ALDH5A1: variants seen among roughly 807,000 people sequenced by gnomAD.
The protein encoded by ALDH5A1 is aldehyde dehydrogenase 5 family member A1, also known as succinate-semialdehyde dehydrogenase, mitochondrial.
In ALDH5A1, 33 loss-of-function variants were observed where a neutral mutation model predicts 54.7. That is an observed-to-expected ratio of 0.60 (90% CI 0.46 to 0.81). The LOEUF is 0.81. Among genes scored for constraint, ALDH5A1 ranks in the 30% least tolerant of loss-of-function variants. ALDH5A1 has a pLI of 0.00. For synonymous variants in ALDH5A1, 294 were observed against 292.7 expected (o/e 1.00, Z -0.05); for missense variants, 657 against 711.0 (o/e 0.92, Z 0.86).
intron 8 of ALDH5A1, 108 bp downstream of exon 8, chr6:24,528,274 G>A (rs1327890391): frequency 3.4e-5 from 43 of 1,267,026 alleles, no homozygotes; most frequent in Non-Finnish European, 4.5e-5. Flanking sequence ...GAGGCAGACA[G>A]TTGTGTTGAG....
At chr6:24,520,604 T>C in intron 6 of ALDH5A1, 60 bp downstream of exon 6, 1 of 1,399,218 alleles carries the variant, frequency 7.1e-7, no homozygotes, top group Non-Finnish European at 9.7e-7. Flanking sequence ...AGTGTGTGTA[T>C]GTGTGTGTGT....
rs575031509 is a variant in ALDH5A1 at position 24,506,402 on chromosome 6, G to A, written c.726+1417G>A. Among the ~76,000 whole-genome samples, 3 of 151,516 alleles carry A rather than the reference G, an allele frequency of 2.0e-5. No homozygotes were observed. The South Asian group carries it at 6.3e-4, about 32-fold the overall frequency. ...CGAGTAGCTGGGATTACAGATGCCC[G>A]TCACCACACCCAGCTAATTTTTGTA... is the stretch of plus-strand genomic sequence containing the variant. On this transcript the variant is annotated intron_variant, in intron 4 of 9. Transcript: ENST00000357578.
At chr6:24,528,211 A>G in intron 8 of ALDH5A1, 45 bp downstream of exon 8, 2 of 1,609,866 alleles carry the variant, frequency 1.2e-6, no homozygotes, top group Non-Finnish European at 1.7e-6. Context: ...AGAATAGAAG[A>G]GAACATAGGA....
intron 5 of ALDH5A1, among the ~76,000 whole-genome samples, chr6:24,519,755 GTT>G (rs35222716): frequency 6.9e-6 from 1 of 145,838 alleles, no homozygotes. Context: ...ATACCATCCT[GTT>G]TTTTTTTTTT....
rs2744584 is a variant in ALDH5A1 at position 24,505,126 on chromosome 6, G to A, written c.726+141G>A. 219,967 of 874,754 alleles carry A rather than the reference G, an allele frequency of 0.25. 30,152 individuals are homozygous for A. Among genetic ancestry groups the A allele is most frequent in the Non-Finnish European group, 0.28 (148,905 of 533,162 alleles). 54.2% of individuals were successfully genotyped at this position (874,754 alleles called of 1,614,324 possible). A position where few individuals can be genotyped will look rare whatever the true frequency, so the allele number is the denominator to read the frequency against. Reference sequence around the variant, plus strand: ...TGGTGTTGTGTATTAATCTACTGGTGATTACTTTAAGTCAGCTGTAGCTCT... The same window carrying A: ...TGGTGTTGTGTATTAATCTACTGGTAATTACTTTAAGTCAGCTGTAGCTCT... On this transcript the variant is annotated intron_variant, in intron 4 of 9. Coordinates refer to ENST00000357578, the MANE Select transcript of ALDH5A1 (RefSeq NM_001080.3).
In ALDH5A1 at chr6:24,503,350, G is replaced by A. The variant is rs72552281; in HGVS notation, c.526G>A (p.Gly176Arg). 22 of 1,613,968 alleles carry A rather than the reference G, an allele frequency of 1.4e-5. No homozygotes were observed. The highest frequency in any genetic ancestry group is 2.2e-5 in the East Asian group (1 of 44,890). The change falls in exon 3 of 10, where the codon GGA becomes AGA. Residue 176 changes from glycine to arginine, a missense_variant. Coordinates refer to ENST00000357578, the MANE Select transcript of ALDH5A1 (RefSeq NM_001080.3). ...WFSEEARRVY[G>R]DIIHTPAKDR... The stretch of plus-strand genomic sequence containing the variant: ...CTCTGAGGAAGCCCGCCGTGTTTAC[G>A]GAGACATTATCCACACCCCGGCAAA...
At position 24,535,034 on chromosome 6, in the gene ALDH5A1, C is replaced by T. The variant is rs886061276; in HGVS notation, c.*1322C>T. The T allele has an allele frequency of 2.6e-5, 4 of 152,232 alleles. No individual in the cohort carries two copies. The highest frequency in any genetic ancestry group is 9.6e-5 in the African/African-American group (4 of 41,458). The allele number at this position is 152,232 out of a possible 1,614,324, so 9.4% of individuals were successfully genotyped here. A position where few individuals can be genotyped will look rare whatever the true frequency, so the allele number is the denominator to read the frequency against. The stretch of plus-strand genomic sequence containing the variant: ...TGCCTCTCACTTTGAAAGAAAGACT[C>T]CGTAATCTTAAACAGATGCAAATCC... On this transcript the variant is annotated 3_prime_UTR_variant, in exon 10 of 10. Transcript: ENST00000357578.
At chr6:24,531,016 T>C (rs898654646) in intron 8 of ALDH5A1, among the ~76,000 whole-genome samples, 2 of 152,252 alleles carry the variant, frequency 1.3e-5, no homozygotes, top group African/African-American at 4.8e-5. Context: ...ATGTCTTGCA[T>C]TTTTGGTGCT....
rs757383194 is a variant in ALDH5A1, at chr6:24,502,601, G to C, written c.433G>C (p.Glu145Gln). The C allele has an allele frequency of 1.2e-6, 2 of 1,612,042 alleles. No homozygotes were observed. Among genetic ancestry groups the C allele is most frequent in the Non-Finnish European group, 1.7e-6 (2 of 1,178,182 alleles). ...KDDLARIITA[E>Q]SGKPLKEAHG... Reference sequence around the variant, plus strand: ...TGACCTTGCCAGAATAATCACAGCTGAAAGTGTAAGTTCAGGGTTCTGGCT... The same window carrying C: ...TGACCTTGCCAGAATAATCACAGCTCAAAGTGTAAGTTCAGGGTTCTGGCT... The change falls in exon 2 of 10, where the codon GAA becomes CAA. Residue 145 changes from glutamate to glutamine, a missense_variant. Coordinates refer to ENST00000357578, the MANE Select transcript of ALDH5A1 (RefSeq NM_001080.3).
chr6:24,497,714 A>G (rs1001363181), intron 1 of ALDH5A1, among the ~76,000 whole-genome samples: 2 of 152,148 alleles, frequency 1.3e-5, no homozygotes, highest in African/African-American at 4.8e-5. Context: ...AGCAAAGGGG[A>G]AGAGTTGTAT....
intron 4 of ALDH5A1, among the ~76,000 whole-genome samples, chr6:24,512,677 G>GTTTGT (rs145227937): frequency 0.021 from 3,215 of 151,954 alleles, 104 homozygotes; most frequent in African/African-American, 0.071. Flanking sequence ...TTTTAATGTT[G>GTTTGT]TTTGTTTTGT....
At chr6:24,516,591 A>C (rs76941265) in intron 5 of ALDH5A1, among the ~76,000 whole-genome samples, 222 of 152,240 alleles carry the variant, frequency 1.5e-3, no homozygotes, top group African/African-American at 5.3e-3. Flanking sequence ...CTAGATATAC[A>C]CATATATGTA....
intron 2 of ALDH5A1, 89 bp downstream of exon 2, chr6:24,502,695 GCT>G: frequency 1.1e-6 from 1 of 879,626 alleles, no homozygotes; most frequent in South Asian, 1.4e-5. Context: ...TCCCTTCACT[GCT>G]GGCTGTAGCT....
chr6:24,502,606 T>A lies in ALDH5A1; in HGVS notation c.438T>A (p.Ser146Arg). The change falls in exon 2 of 10, where the codon AGT (serine) becomes AGA (arginine). Residue 146 changes from serine to arginine, a missense_variant and splice_region_variant. By Grantham distance (110) the Ser-to-Arg change is moderately radical. Coordinates refer to ENST00000357578, the MANE Select transcript of ALDH5A1 (RefSeq NM_001080.3). ...DDLARIITAE[S>R]GKPLKEAHGE... Reference sequence around the variant, plus strand: ...TTGCCAGAATAATCACAGCTGAAAGTGTAAGTTCAGGGTTCTGGCTTGGTG... The same window carrying A: ...TTGCCAGAATAATCACAGCTGAAAGAGTAAGTTCAGGGTTCTGGCTTGGTG... 1.2e-6 allele frequency: 2 copies of A among 1,611,818 alleles called. No individual in the cohort carries two copies. The highest frequency in any genetic ancestry group is 1.1e-5 in the South Asian group (1 of 90,984).
At chr6:24,505,253 C>T (rs1759316001) in intron 4 of ALDH5A1, among the ~76,000 whole-genome samples, 4 of 152,240 alleles carry the variant, frequency 2.6e-5, no homozygotes, top group Admixed American at 2.6e-4. Context: ...AAACTAGGCA[C>T]TTAAACATGG....
chr6:24,503,236 C>T (rs768874103), intron 2 of ALDH5A1, 27 bp from the exon 3 acceptor site: 4 of 1,610,542 alleles, frequency 2.5e-6, no homozygotes, highest in East Asian at 2.2e-5. Context: ...GAAGGTAATA[C>T]GTGGGTTCTT....
chr6:24,513,231 G>GT (rs1759495250), intron 4 of ALDH5A1, among the ~76,000 whole-genome samples: 3 of 151,894 alleles, frequency 2.0e-5, no homozygotes, highest in South Asian at 2.1e-4. Flanking sequence ...AGCTAATTTT[G>GT]TTTTTTATTT....
chr6:24,507,064 G>A, intron 4 of ALDH5A1, among the ~76,000 whole-genome samples: 1 of 152,124 alleles, frequency 6.6e-6, no homozygotes, highest in East Asian at 1.9e-4. Flanking sequence ...TACTGTATCT[G>A]TGTTGCCAAA....
At chr6:24,507,754 G>C (rs1288588276) in intron 4 of ALDH5A1, among the ~76,000 whole-genome samples, 5 of 151,758 alleles carry the variant, frequency 3.3e-5, no homozygotes, top group African/African-American at 1.2e-4. Context: ...TTTTATTTCT[G>C]GGTGTAAAAT....
Sources: gnomAD v4.1 joint callset for allele counts (sites outside exome capture counted in the v4.1 genomes callset) on GRCh38, gnomAD v4.1.1 for gene constraint, MANE v1.5 for transcripts, NCBI Gene and HGNC (gene_info 2026-07-23, HGNC 2026-07-21) for gene names.